The following NAV2 variants were observed in gnomAD, a reference collection of about 807,000 sequenced individuals.
NAV2 encodes neuron navigator 2.
NAV2 carries 54 observed loss-of-function variants against 223.2 expected under a neutral mutation model. The ratio of observed to expected loss-of-function variants is 0.24; its 90% CI spans 0.19 to 0.30. NAV2 has a LOEUF of 0.30. Among genes scored for constraint, NAV2 ranks in the 10% least tolerant of loss-of-function variants. NAV2 has a pLI of 1.00. For synonymous variants in NAV2, 1,279 were observed against 1,239.3 expected, an observed-to-expected ratio of 1.03 and a Z score of -0.67; for missense variants, 2,806 against 3,147.5, an observed-to-expected ratio of 0.89 and a Z score of 2.60.
upstream of NAV2, among the ~76,000 whole-genome samples, chr11:19,347,627 T>C (rs955354472): frequency 3.3e-5 from 5 of 152,184 alleles, no homozygotes; most frequent in Non-Finnish European, 5.9e-5. Context: ...CATCTTATGG[T>C]GCAGTTTGGC....
At chr11:20,077,413 G>A (rs1375262642) in intron 22 of NAV2, 139 bp from the exon 23 acceptor site, 6 of 617,060 alleles carry the variant, frequency 9.7e-6, no homozygotes, top group Admixed American at 2.7e-5. Flanking sequence ...AAGAGTGGTG[G>A]GGAGTGGGAT....
At chr11:19,608,200 A>C (rs1199791774) in intron 1 of NAV2, among the ~76,000 whole-genome samples, 3 of 152,326 alleles carry the variant, frequency 2.0e-5, no homozygotes, top group South Asian at 2.1e-4. Flanking sequence ...TGTTGTTCAA[A>C]TAAACAGAAC....
intron 11 of NAV2, among the ~76,000 whole-genome samples, chr11:20,004,823 C>T (rs1205942194): frequency 1.3e-5 from 2 of 152,150 alleles, no homozygotes; most frequent in South Asian, 2.1e-4. Flanking sequence ...TCCAATCCTT[C>T]TTTTGGTGCA....
rs373821477 is a variant in NAV2, at chr11:19,548,803, G to A, written c.75+197776G>A. 8.4e-3 allele frequency among the ~76,000 whole-genome samples: 1,260 copies of A among 149,976 alleles called. 23 individuals carry two copies. The highest frequency in any genetic ancestry group is 0.029 in the African/African-American group (1,171 of 40,494). ...TGAGGCAGGAGAATGGCGTGAACCC[G>A]GAAGGCGGAGCTTGCAGTGAGCCAA... On this transcript the variant is annotated intron_variant, in intron 1 of 37. Transcript: ENST00000360655.
At chr11:19,583,951 G>A (rs1259568742) in intron 1 of NAV2, among the ~76,000 whole-genome samples, 4 of 152,212 alleles carry the variant, frequency 2.6e-5, no homozygotes, top group African/African-American at 9.7e-5. Context: ...CAAAAGAAAT[G>A]GTACCAGCTC....
intron 1 of NAV2, among the ~76,000 whole-genome samples, chr11:19,742,754 C>T (rs1052318418): frequency 6.6e-6 from 1 of 152,212 alleles, no homozygotes; most frequent in Non-Finnish European, 1.5e-5. Flanking sequence ...CACCTCTGCC[C>T]TTGTCCAAGC....
chr11:19,448,408 A>G (rs957665077), intron 1 of NAV2, among the ~76,000 whole-genome samples: 4 of 152,212 alleles, frequency 2.6e-5, no homozygotes, highest in African/African-American at 9.6e-5. Context: ...TAGCGCTCTC[A>G]GCAGGCTTGG....
At chr11:19,459,177 A>C (rs1017836429) in intron 1 of NAV2, among the ~76,000 whole-genome samples, 1 of 152,218 alleles carries the variant, frequency 6.6e-6, no homozygotes, top group East Asian at 1.9e-4. Flanking sequence ...TGCATAAAGA[A>C]ATGCATTAGC....
At chr11:20,037,108 G>A (rs1327344385) in intron 12 of NAV2, among the ~76,000 whole-genome samples, 4 of 152,120 alleles carry the variant, frequency 2.6e-5, no homozygotes, top group Admixed American at 2.6e-4. Context: ...GGCGTCGTAG[G>A]CTGGAATCTT....
At chr11:20,066,156 A>G (rs972070097) in intron 20 of NAV2, among the ~76,000 whole-genome samples, 3 of 152,252 alleles carry the variant, frequency 2.0e-5, no homozygotes, top group African/African-American at 7.2e-5. Flanking sequence ...TAAGCATTCA[A>G]TAAATGCTAG....
intron 6 of NAV2, among the ~76,000 whole-genome samples, chr11:19,919,071 A>AG (rs1307518820): frequency 6.6e-6 from 1 of 152,070 alleles, no homozygotes; most frequent in South Asian, 2.1e-4. Context: ...GGGTGATTGG[A>AG]GAAAAAAACA....
intron 6 of NAV2, among the ~76,000 whole-genome samples, chr11:19,912,277 C>G (rs919545943): frequency 3.3e-5 from 5 of 152,018 alleles, no homozygotes; most frequent in African/African-American, 9.7e-5. Flanking sequence ...AGAATAAGAG[C>G]AAAAAAGTGA....
At chr11:19,597,550 G>T (rs547000679) in intron 1 of NAV2, among the ~76,000 whole-genome samples, 2 of 152,236 alleles carry the variant, frequency 1.3e-5, no homozygotes, top group Non-Finnish European at 2.9e-5. Flanking sequence ...CACCCAGGAT[G>T]AGGAGAATAG....
At chr11:19,633,148 GCCCCC>G (rs1278499510) in intron 1 of NAV2, among the ~76,000 whole-genome samples, 1 of 151,548 alleles carries the variant, frequency 6.6e-6, no homozygotes, top group Non-Finnish European at 1.5e-5. Flanking sequence ...CTCATTCCGT[GCCCCC>G]AGCTCCTCCC....
chr11:19,732,235 G>T (rs1057478662), intron 1 of NAV2, among the ~76,000 whole-genome samples: 1 of 151,768 alleles, frequency 6.6e-6, no homozygotes, highest in African/African-American at 2.4e-5. Context: ...CTCCAGCCTG[G>T]GTGACAGAGT....
Position 20,054,085 on chromosome 11 carries a change from C to T in NAV2, c.4487C>T (p.Thr1496Ile). Reference sequence around the variant, plus strand: ...CTTGATTTCTGTCTGTCCAGGTATACTCCCACCTCCCAGCTTCGCACGCAA... The same window carrying T: ...CTTGATTTCTGTCTGTCCAGGTATATTCCCACCTCCCAGCTTCGCACGCAA... The part of the protein sequence containing the change: ...NTLPKKGLRY[T>I]PTSQLRTQED... The change falls in exon 18 of 38, where the codon ACT becomes ATT. Residue 1496 changes from threonine (T) to isoleucine (I), a missense_variant. Thr to Ile is a moderately conservative substitution (Grantham distance 89, BLOSUM62 -1). This residue lies in a region of NAV2 where 742 missense variants were observed against 777.9 expected (regional missense o/e 0.95). Transcript: ENST00000349880. 1 of 1,612,548 alleles carries T rather than the reference C, an allele frequency of 6.2e-7. No homozygotes were observed.
intron 1 of NAV2, among the ~76,000 whole-genome samples, chr11:19,794,136 AT>A (rs2057735757): frequency 6.6e-6 from 1 of 152,208 alleles, no homozygotes; most frequent in Non-Finnish European, 1.5e-5. Context: ...CTCACAGAAT[AT>A]CTGGTTCAAA....
Position 19,984,121 on chromosome 11 carries a change from A to G in NAV2, c.2646-4A>G, listed in dbSNP as rs1190065023. On this transcript the variant is annotated splice_region_variant and splice_polypyrimidine_tract_variant and intron_variant, in intron 10 of 37. Coordinates refer to ENST00000349880, the MANE Select transcript of NAV2 (RefSeq NM_145117.5). ...ATGTGCATCATCTTCTTCTCCTTTT[A>G]AAGATACATGACTGATGGTGGACTT... The G allele has an allele frequency of 6.2e-7, 1 of 1,613,952 alleles. No individual in the cohort carries two copies. Among genetic ancestry groups the G allele is most frequent in the Non-Finnish European group, 8.5e-7 (1 of 1,180,002 alleles).
At chr11:19,795,939 A>AGG (rs1311503257) in intron 1 of NAV2, among the ~76,000 whole-genome samples, 1 of 151,198 alleles carries the variant, frequency 6.6e-6, no homozygotes, top group Non-Finnish European at 1.5e-5. Flanking sequence ...GCTTTGAGAA[A>AGG]CCCCTTTAGG....
Sources: gnomAD v4.1 joint callset for allele counts (sites outside exome capture counted in the v4.1 genomes callset) on GRCh38, gnomAD v4.1.1 for gene constraint, gnomAD v4.1.1 regional missense constraint, MANE v1.5 for transcripts, NCBI Gene and HGNC (gene_info 2026-07-23, HGNC 2026-07-21) for gene names.